Variants in NAB1 observed in about 807,000 individuals in gnomAD.
The protein encoded by NAB1 is NGFI-A-binding protein 1.
A neutral mutation model predicts 49.9 loss-of-function variants in NAB1; 25 were observed. The ratio of observed to expected loss-of-function variants is 0.50; its 90% confidence interval spans 0.37 to 0.70. The LOEUF (loss-of-function observed/expected upper bound fraction) is 0.70. NAB1 is among the 30% of genes least tolerant of loss of function. The pLI, the probability that NAB1 is intolerant of heterozygous loss-of-function variation, is 0.00. For synonymous variants in NAB1, 198 were observed against 215.6 expected (o/e 0.92, Z 0.71); for missense variants, 489 against 575.9 (o/e 0.85, Z 1.54).
rs1695400833 is a variant in NAB1, at chr2:190,682,541, A to G, written c.1006-1197A>G. Among the ~76,000 whole-genome samples, 1 of 152,266 alleles carries G rather than the reference A, an allele frequency of 6.6e-6. No homozygotes were observed. Among genetic ancestry groups the G allele is most frequent in the Non-Finnish European group, 1.5e-5 (1 of 68,040 alleles). On this transcript the variant is annotated intron_variant, in intron 6 of 9. Coordinates refer to ENST00000337386, the MANE Select transcript of NAB1 (RefSeq NM_005966.4). The surrounding 1 kb of genome is among the most constrained non-coding windows in gnomAD (Gnocchi z 4.1). Reference sequence around the variant, plus strand: ...GAACATTTAGTTTGGATCGTTAGCCACATTTCATGTAACAAAATTAATTTC... The same window carrying G: ...GAACATTTAGTTTGGATCGTTAGCCGCATTTCATGTAACAAAATTAATTTC...
chr2:190,660,914 C>T (rs939790855), intron 4 of NAB1, among the ~76,000 whole-genome samples: 5 of 151,146 alleles, frequency 3.3e-5, no homozygotes, highest in African/African-American at 1.2e-4. Context: ...AATGCGTTTT[C>T]AAAAGTTAAA....
rs924756952 is a variant in NAB1 at position 190,675,222 on chromosome 2, A to G, written c.1005+2070A>G. Among the ~76,000 whole-genome samples the G allele has an allele frequency of 2.0e-5, 3 of 152,336 alleles. No individual in the cohort carries two copies. Among genetic ancestry groups the G allele is most frequent in the African/African-American group, 7.2e-5 (3 of 41,576 alleles). ...GTTGCTAGGCTAGAAATATGTCTCT[A>G]TCTATTTCTCACCATTGGCCCTAAG... On this transcript the variant is annotated intron_variant, in intron 6 of 9. Transcript: ENST00000337386. This position sits in a 1 kb window ranked among gnomAD's most constrained non-coding sequence, Gnocchi z 5.2.
At position 190,691,881 on chromosome 2, in the gene NAB1, A is replaced by G. The variant is rs910812565; in HGVS notation, c.*1548A>G. ...GATGAAATGTCTGCACTGTAGTCTCAGATCACTGTCACGTATATAAATTGC... is the reference window on the plus strand; with the variant it reads ...GATGAAATGTCTGCACTGTAGTCTCGGATCACTGTCACGTATATAAATTGC... On this transcript the variant is annotated 3_prime_UTR_variant, in exon 10 of 10. Transcript: ENST00000337386. The surrounding 1 kb of genome is among the most constrained non-coding windows in gnomAD (Gnocchi z 4.1). 2 of 152,402 alleles carry G rather than the reference A, an allele frequency of 1.3e-5. No individual in the cohort carries two copies. The highest frequency in any genetic ancestry group is 4.8e-5 in the African/African-American group (2 of 41,472). The allele number at this position is 152,402 out of a possible 1,614,324, so 9.4% of individuals were successfully genotyped here. A position where few individuals can be genotyped will look rare whatever the true frequency, so the allele number is the denominator to read the frequency against.
Position 190,666,784 on chromosome 2 carries a change from T to C in NAB1, c.820-3542T>C, listed in dbSNP as rs1694543015. Among the ~76,000 whole-genome samples, 1 of 152,062 alleles carries C rather than the reference T, an allele frequency of 6.6e-6. No homozygotes were observed. The highest frequency in any genetic ancestry group is 2.4e-5 in the African/African-American group (1 of 41,414). On this transcript the variant is annotated intron_variant, in intron 4 of 9. Transcript: ENST00000337386. The surrounding 1 kb of genome is among the most constrained non-coding windows in gnomAD (Gnocchi z 5.6). Reference sequence around the variant, plus strand: ...TATTTTGGGCCACAAAAAGAGGAAATGGAGGAAATAAGTAAACCAGTAAGG... The same window carrying C: ...TATTTTGGGCCACAAAAAGAGGAAACGGAGGAAATAAGTAAACCAGTAAGG...
intron 4 of NAB1, among the ~76,000 whole-genome samples, chr2:190,664,526 T>TTTCCTTCC (rs112074461): frequency 1.4e-4 from 18 of 127,624 alleles, no homozygotes; most frequent in African/African-American, 4.5e-4. Flanking sequence ...TCTTTTCTTT[T>TTTCCTTCC]TTCCTTCCTT....
In NAB1 at chr2:190,663,898, T is replaced by C. The variant is rs558963071; in HGVS notation, c.819+3903T>C. Among the ~76,000 whole-genome samples, 11 of 152,204 alleles carry C rather than the reference T, an allele frequency of 7.2e-5. No individual in the cohort carries two copies. The highest frequency in any genetic ancestry group is 7.3e-5 in the Non-Finnish European group (5 of 68,042). On this transcript the variant is annotated intron_variant, in intron 4 of 9. Transcript: ENST00000337386. This position sits in a 1 kb window ranked among gnomAD's most constrained non-coding sequence, Gnocchi z 4.2. ...TTAAAAGTGTTTCTTTATTTCCAAA[T>C]ATGAGTAATTTTTTTTCCTTATTTT... is the stretch of plus-strand genomic sequence containing the variant.
At chr2:190,662,080 C>T (rs1395207420) in intron 4 of NAB1, among the ~76,000 whole-genome samples, 1 of 152,126 alleles carries the variant, frequency 6.6e-6, no homozygotes, top group Non-Finnish European at 1.5e-5. Flanking sequence ...TCAATTTCCA[C>T]ATAAGGAATA....
Position 190,652,017 on chromosome 2 carries a change from T to C in NAB1, c.-197+2035T>C, listed in dbSNP as rs2125542799. Among the ~76,000 whole-genome samples, 1 of 152,340 alleles carries C rather than the reference T, an allele frequency of 6.6e-6. No homozygotes were observed. The highest frequency in any genetic ancestry group is 1.5e-5 in the Non-Finnish European group (1 of 68,026). The stretch of plus-strand genomic sequence containing the variant: ...AACAGTAGAATGAAGAATGGTACAA[T>C]TGTTATATTAAGTGCAAATTCCCTT... On this transcript the variant is annotated intron_variant, in intron 2 of 9. Coordinates refer to ENST00000337386, the MANE Select transcript of NAB1 (RefSeq NM_005966.4). The surrounding 1 kb of genome is among the most constrained non-coding windows in gnomAD (Gnocchi z 4.2).
chr2:190,650,341 C>T (rs1475482637), intron 2 of NAB1, among the ~76,000 whole-genome samples: 1 of 152,108 alleles, frequency 6.6e-6, no homozygotes, highest in Non-Finnish European at 1.5e-5. Context: ...ACGTGTCTGC[C>T]AACTCAAAGA....
rs190411344 is a variant in NAB1, at chr2:190,680,338, A to G, written c.1006-3400A>G. On this transcript the variant is annotated intron_variant, in intron 6 of 9. Transcript: ENST00000337386. This position sits in a 1 kb window ranked among gnomAD's most constrained non-coding sequence, Gnocchi z 5.2. ...CTTCCCTCACCACTCCCTCTTTTTCAGTGTATATTGAATATTTTCCGGCTT... is the reference window on the plus strand; with the variant it reads ...CTTCCCTCACCACTCCCTCTTTTTCGGTGTATATTGAATATTTTCCGGCTT... 2.0e-5 allele frequency among the ~76,000 whole-genome samples: 3 copies of G among 152,156 alleles called. No homozygotes were observed. Among genetic ancestry groups the G allele is most frequent in the Admixed American group, 2.0e-4 (3 of 15,300 alleles).
rs1185095316 is a variant in NAB1, at chr2:190,654,867, T to C, written c.-196-1110T>C. 6.6e-6 allele frequency among the ~76,000 whole-genome samples: 1 copy of C among 152,146 alleles called. No individual in the cohort carries two copies. The highest frequency in any genetic ancestry group is 1.5e-5 in the Non-Finnish European group (1 of 68,030). On this transcript the variant is annotated intron_variant, in intron 2 of 9. Transcript: ENST00000337386. The surrounding 1 kb of genome is among the most constrained non-coding windows in gnomAD (Gnocchi z 5.6). ...AGCAAAAATGGAATCCAAACTTACT[T>C]AAATCCGGGAAACTGAAAGACCAAT...
rs1256150063 is a variant in NAB1, at chr2:190,690,992, G to A, written c.*659G>A. 2 of 152,528 alleles carry A rather than the reference G, an allele frequency of 1.3e-5. No individual in the cohort carries two copies. Among genetic ancestry groups the A allele is most frequent in the Non-Finnish European group, 2.9e-5 (2 of 67,968 alleles). 9.4% of individuals were successfully genotyped at this position (152,528 alleles called of 1,614,324 possible). On this transcript the variant is annotated 3_prime_UTR_variant, in exon 10 of 10. Transcript: ENST00000337386. ...ATGCACGTTTACACAATAAATACTT[G>A]AGTGGAGGAAAGTTAAAAAGATGAG...
At position 190,659,605 on chromosome 2, in the gene NAB1, G is replaced by A. The variant is rs2125615795; in HGVS notation, c.429G>A (p.Lys143=). 1 of 1,614,252 alleles carries A rather than the reference G, an allele frequency of 6.2e-7. No homozygotes were observed. The highest frequency in any genetic ancestry group is 2.2e-5 in the East Asian group (1 of 44,890). The change falls in exon 4 of 10, where the codon AAG becomes AAA. Residue 143 remains lysine (K), a synonymous_variant. Transcript: ENST00000337386. This position sits in a 1 kb window ranked among gnomAD's most constrained non-coding sequence, Gnocchi z 6.2. ...TTCVQSLGQG[K]SDVVGSLALQ... is the part of the protein sequence containing the mutation. ...GTGTGCAGAGCTTGGGACAGGGGAA[G>A]TCAGATGTGGTTGGGAGCCTAGCAC...
chr2:190,660,015 C>A lies in NAB1; in HGVS notation c.819+20C>A. The A allele has an allele frequency of 1.9e-6, 3 of 1,592,164 alleles. No individual in the cohort carries two copies. Among genetic ancestry groups the A allele is most frequent in the South Asian group, 2.2e-5 (2 of 88,978 alleles). Reference sequence around the variant, plus strand: ...CATGAGGTACAAAGCCCGCGTTGTTCCTTCTGTGTGTGTATGTGGCATGTT... The same window carrying A: ...CATGAGGTACAAAGCCCGCGTTGTTACTTCTGTGTGTGTATGTGGCATGTT... On this transcript the variant is annotated intron_variant, in intron 4 of 9. Transcript: ENST00000337386.
Position 190,691,284 on chromosome 2 carries a change from T to C in NAB1, c.*951T>C, listed in dbSNP as rs1244236391. ...ACTATTTTATATCCAGAAAGTCTTCTCTATGTAGAGAAGTCAGAGAGACTA... is the reference window on the plus strand; with the variant it reads ...ACTATTTTATATCCAGAAAGTCTTCCCTATGTAGAGAAGTCAGAGAGACTA... On this transcript the variant is annotated 3_prime_UTR_variant, in exon 10 of 10. Coordinates refer to ENST00000337386, the MANE Select transcript of NAB1 (RefSeq NM_005966.4). This position sits in a 1 kb window ranked among gnomAD's most constrained non-coding sequence, Gnocchi z 4.1. 3 of 152,548 alleles carry C rather than the reference T, an allele frequency of 2.0e-5. No homozygotes were observed. Among genetic ancestry groups the C allele is most frequent in the African/African-American group, 4.8e-5 (2 of 41,460 alleles). The allele number at this position is 152,548 out of a possible 1,614,324, so 9.4% of individuals were successfully genotyped here.
chr2:190,680,680 G>A lies in NAB1; in HGVS notation c.1006-3058G>A, dbSNP rs377468807. On this transcript the variant is annotated intron_variant, in intron 6 of 9. Transcript: ENST00000337386. The surrounding 1 kb of genome is among the most constrained non-coding windows in gnomAD (Gnocchi z 5.2). Reference sequence around the variant, plus strand: ...TCTTTTCACTGAGATAGTTCCCCACGAATGTGCTTAATATTCTCTGGTTGA... The same window carrying A: ...TCTTTTCACTGAGATAGTTCCCCACAAATGTGCTTAATATTCTCTGGTTGA... Among the ~76,000 whole-genome samples, 3 of 152,256 alleles carry A rather than the reference G, an allele frequency of 2.0e-5. No individual in the cohort carries two copies. Among genetic ancestry groups the A allele is most frequent in the East Asian group, 1.9e-4 (1 of 5,186 alleles).
At position 190,679,916 on chromosome 2, in the gene NAB1, T is replaced by A. The variant is rs1695248773; in HGVS notation, c.1006-3822T>A. ...CAAGCTCCAAACTCACTGCCCCTGC[T>A]TACCTGGCTTATCTACACACGGAGG... On this transcript the variant is annotated intron_variant, in intron 6 of 9. Coordinates refer to ENST00000337386, the MANE Select transcript of NAB1 (RefSeq NM_005966.4). This position sits in a 1 kb window ranked among gnomAD's most constrained non-coding sequence, Gnocchi z 5.3. Among the ~76,000 whole-genome samples, 1 of 151,956 alleles carries A rather than the reference T, an allele frequency of 6.6e-6. No homozygotes were observed. The highest frequency in any genetic ancestry group is 2.4e-5 in the African/African-American group (1 of 41,358).
At position 190,679,189 on chromosome 2, in the gene NAB1, C is replaced by T. The variant is rs1005260603; in HGVS notation, c.1006-4549C>T. ...TACGAGACATAACGAAATTGTGCAC[C>T]ACACATAATGTGAAAGAGACCAGTT... On this transcript the variant is annotated intron_variant, in intron 6 of 9. Coordinates refer to ENST00000337386, the MANE Select transcript of NAB1 (RefSeq NM_005966.4). This position sits in a 1 kb window ranked among gnomAD's most constrained non-coding sequence, Gnocchi z 5.3. Among the ~76,000 whole-genome samples the T allele has an allele frequency of 6.6e-6, 1 of 152,186 alleles. No individual in the cohort carries two copies. Among genetic ancestry groups the T allele is most frequent in the African/African-American group, 2.4e-5 (1 of 41,444 alleles).
chr2:190,672,317 A>T (rs918038351), intron 5 of NAB1, among the ~76,000 whole-genome samples: 1 of 152,296 alleles, frequency 6.6e-6, no homozygotes, highest in Admixed American at 6.5e-5. Flanking sequence ...TCTGAGATGT[A>T]CTTTTTCACA....
Sources: gnomAD v4.1 joint callset for allele counts (sites outside exome capture counted in the v4.1 genomes callset) on GRCh38, gnomAD v4.1.1 for gene constraint, Gnocchi (gnomAD v3.1) non-coding constraint, MANE v1.5 for transcripts, NCBI Gene and HGNC (gene_info 2026-07-23, HGNC 2026-07-21) for gene names.